RABGAP1: variants seen among roughly 807,000 people sequenced by gnomAD.
RABGAP1 encodes rab GTPase-activating protein 1.
A neutral mutation model predicts 137.6 loss-of-function variants in RABGAP1; 23 were observed. That is an observed-to-expected ratio of 0.17 (90% CI 0.12 to 0.24). The LOEUF (loss-of-function observed/expected upper bound fraction) is 0.24, where lower values mean the gene tolerates loss of function less well. Ranked by LOEUF, RABGAP1 falls within the 10% of genes least tolerant of loss-of-function variation. The pLI is 1.00. For synonymous variants in RABGAP1, 451 were observed against 450.7 expected, an observed-to-expected ratio of 1.00 and a Z score of -0.01; for missense variants, 906 against 1,275.8, an observed-to-expected ratio of 0.71 and a Z score of 4.42.
At chr9:123,065,527 G>A (rs1314066727) in intron 14 of RABGAP1, 66 bp downstream of exon 14, 3 of 1,134,784 alleles carry the variant, frequency 2.6e-6, no homozygotes, top group Admixed American at 1.7e-5. Flanking sequence ...AATTACATAA[G>A]AAACAACTAC....
chr9:122,954,675 A>T (rs1351588917), intron 1 of RABGAP1, among the ~76,000 whole-genome samples: 1 of 152,186 alleles, frequency 6.6e-6, no homozygotes, highest in Non-Finnish European at 1.5e-5. Flanking sequence ...TGAGCATGAA[A>T]ACTTCTCTTG....
intron 2 of RABGAP1, among the ~76,000 whole-genome samples, chr9:122,974,696 G>A (rs35819467): frequency 0.027 from 4,114 of 152,218 alleles, 72 homozygotes; most frequent in Non-Finnish European, 0.044. Context: ...AGTTGTAAAT[G>A]TTTTGGGCCT....
At position 123,097,844 on chromosome 9, in the gene RABGAP1, A is replaced by G; in HGVS notation, c.2732A>G (p.Gln911Arg). ...EKRRLEEESA[Q>R]LKEMCRRELD... ...AGACGGCTGGAAGAAGAGTCTGCTC[A>G]GGTAAGGGAACTCTCCCACATTCCT... is the stretch of plus-strand genomic sequence containing the variant. Residue 911 changes from glutamine to arginine, a missense_variant and splice_region_variant, in exon 22 of 26, where the codon CAG (glutamine) becomes CGG (arginine). Transcript: ENST00000373647. 6.2e-7 allele frequency: 1 copy of G among 1,609,606 alleles called. No homozygotes were observed. The highest frequency in any genetic ancestry group is 1.7e-5 in the Admixed American group (1 of 58,830).
chr9:122,953,847 A>G (rs982073545), intron 1 of RABGAP1, among the ~76,000 whole-genome samples: 22 of 152,058 alleles, frequency 1.4e-4, no homozygotes, highest in African/African-American at 5.3e-4. Flanking sequence ...TTTATTTGCT[A>G]TTTATCCTAC....
intron 5 of RABGAP1, 134 bp from the exon 6 acceptor site, chr9:122,989,922 A>G: frequency 9.4e-7 from 1 of 1,061,126 alleles, no homozygotes; most frequent in Non-Finnish European, 1.3e-6. Flanking sequence ...GGCCTAACAA[A>G]TTAGGTAATT....
chr9:122,946,572 C>T (rs2131587318), intron 1 of RABGAP1, among the ~76,000 whole-genome samples: 1 of 152,264 alleles, frequency 6.6e-6, no homozygotes, highest in East Asian at 1.9e-4. Flanking sequence ...ATAATCTGAC[C>T]TTGTGAATGA....
At chr9:123,077,610 C>CATTGTATTGTATTGT (rs71508192) in intron 19 of RABGAP1, among the ~76,000 whole-genome samples, 1,933 of 91,368 alleles carry the variant, frequency 0.021, 122 homozygotes, top group South Asian at 0.027. Context: ...GTTATCATAA[C>CATTGTATTGTATTGT]ATTGTATTGT....
chr9:122,941,393 C>T (rs1156776480), intron 1 of RABGAP1, among the ~76,000 whole-genome samples: 1 of 152,192 alleles, frequency 6.6e-6, no homozygotes, highest in Non-Finnish European at 1.5e-5. Flanking sequence ...CGTTTTTGGC[C>T]CTCCCTCTGG....
At chr9:123,068,686 T>A (rs879580245) in intron 14 of RABGAP1, among the ~76,000 whole-genome samples, 2 of 6,610 alleles carry the variant, frequency 3.0e-4, no homozygotes, top group Non-Finnish European at 0.016. Flanking sequence ...AGCCTTCTTA[T>A]CAGATAAACT....
At chr9:122,959,310 A>T (rs1323993654) in intron 2 of RABGAP1, among the ~76,000 whole-genome samples, 1 of 129,418 alleles carries the variant, frequency 7.7e-6, no homozygotes, top group Non-Finnish European at 1.5e-5. Context: ...AGTAGTGGGC[A>T]TGGGCTGGAT....
chr9:122,983,986 T>C (rs760905068), intron 2 of RABGAP1, among the ~76,000 whole-genome samples: 3 of 152,232 alleles, frequency 2.0e-5, no homozygotes, highest in Non-Finnish European at 4.4e-5. Context: ...CATGTAACTC[T>C]TCCTCAGAAA....
chr9:122,985,742 A>C (rs1836338369), intron 3 of RABGAP1, among the ~76,000 whole-genome samples: 1 of 152,206 alleles, frequency 6.6e-6, no homozygotes, highest in Non-Finnish European at 1.5e-5. Context: ...AAGGTGAATC[A>C]AATCTGAGTC....
chr9:123,083,483 G>A lies in RABGAP1; in HGVS notation c.2425-6275G>A, dbSNP rs2034775453. ...TGTTGCAAGGGTAGCAGTGGGCACT[G>A]CCTTCTTTTAATAAGCTGGTCTCCC... On this transcript the variant is annotated intron_variant, in intron 19 of 25. Coordinates refer to ENST00000373647, the MANE Select transcript of RABGAP1 (RefSeq NM_012197.4). 2.6e-5 allele frequency among the ~76,000 whole-genome samples: 4 copies of A among 152,144 alleles called. No individual in the cohort carries two copies. In the South Asian group the frequency reaches 8.3e-4, roughly 32 times the overall value.
rs377221694 is a variant in RABGAP1, at chr9:122,969,542, G to A, written c.150+12333G>A. 4.6e-5 allele frequency among the ~76,000 whole-genome samples: 7 copies of A among 152,108 alleles called. No individual in the cohort carries two copies. The East Asian group carries it at 1.2e-3, about 25-fold the overall frequency. On this transcript the variant is annotated intron_variant, in intron 2 of 25. Transcript: ENST00000373647. ...TAAATCTTTAAGGTCTGTCATCAGA[G>A]GAAGGTATAATAGTGTTACTGGAGA...
intron 1 of RABGAP1, among the ~76,000 whole-genome samples, chr9:122,955,765 G>A (rs935271600): frequency 1.9e-4 from 29 of 152,142 alleles, no homozygotes; most frequent in African/African-American, 7.0e-4. Context: ...GGGGAAAATT[G>A]TGTTTGACAC....
intron 1 of RABGAP1, chr9:122,945,324 A>G (rs544306523): frequency 2.0e-5 from 3 of 151,920 alleles, no homozygotes; most frequent in East Asian, 1.9e-4. Context: ...GTTTCTCTTC[A>G]TGTGCAGACT....
chr9:123,067,462 T>C (rs2034214304), intron 14 of RABGAP1, among the ~76,000 whole-genome samples: 1 of 152,246 alleles, frequency 6.6e-6, no homozygotes, highest in Non-Finnish European at 1.5e-5. Flanking sequence ...ACCCATGGAA[T>C]TAAATGAAAA....
Position 122,984,476 on chromosome 9 carries a change from G to T in RABGAP1, c.151-9G>T. 1 of 1,609,422 alleles carries T rather than the reference G, an allele frequency of 6.2e-7. No homozygotes were observed. Among genetic ancestry groups the T allele is most frequent in the South Asian group, 1.1e-5 (1 of 90,352 alleles). On this transcript the variant is annotated splice_polypyrimidine_tract_variant and intron_variant, in intron 2 of 25. Transcript: ENST00000373647. ...CACTTTGCTGATTGCATGTATTTGTGACCCTTAGATTGTAGGGAATGGAAG... is the reference window on the plus strand; with the variant it reads ...CACTTTGCTGATTGCATGTATTTGTTACCCTTAGATTGTAGGGAATGGAAG...
chr9:123,052,442 T>C (rs2132066769), intron 13 of RABGAP1, among the ~76,000 whole-genome samples: 1 of 152,364 alleles, frequency 6.6e-6, no homozygotes, highest in South Asian at 2.1e-4. Context: ...CTGAACCTTA[T>C]TATGTGTCAT....
Sources: allele counts gnomAD v4.1 joint callset (sites outside exome capture counted in the v4.1 genomes callset), GRCh38; gene constraint gnomAD v4.1.1; transcripts MANE v1.5; gene names NCBI Gene and HGNC (gene_info 2026-07-23, HGNC 2026-07-21).